RBMS1: variants seen among roughly 807,000 people sequenced by gnomAD.
RBMS1 encodes RNA binding motif single stranded interacting protein 1.
In RBMS1, 17 loss-of-function variants were observed where a neutral mutation model predicts 62.3. The ratio of observed to expected loss-of-function variants is 0.27; its 90% CI spans 0.19 to 0.41. The LOEUF is 0.41. Among genes scored for constraint, RBMS1 ranks in the 10% least tolerant of loss-of-function variants. RBMS1 has a pLI of 1.00. For missense variants in RBMS1, 334 were observed against 504.5 expected (o/e 0.66, Z 3.24); for synonymous variants, 172 against 170.0 (o/e 1.01, Z -0.09).
chr2:160,358,172 T>C (rs1316761766), intron 2 of RBMS1, among the ~76,000 whole-genome samples: 2 of 152,160 alleles, frequency 1.3e-5, no homozygotes, highest in Non-Finnish European at 2.9e-5. Flanking sequence ...TGTCCATTTA[T>C]TGGGCAGGGG....
At chr2:160,400,654 T>C (rs1185834384) in intron 1 of RBMS1, among the ~76,000 whole-genome samples, 1 of 151,456 alleles carries the variant, frequency 6.6e-6, no homozygotes, top group Non-Finnish European at 1.5e-5. Context: ...TATAGCTACG[T>C]TTCCCCCTCA....
At chr2:160,476,900 A>C (rs1488788257) in intron 1 of RBMS1, among the ~76,000 whole-genome samples, 1 of 152,186 alleles carries the variant, frequency 6.6e-6, no homozygotes, top group Non-Finnish European at 1.5e-5. Flanking sequence ...TTGTAAAGGA[A>C]GCCTGCATGT....
intron 1 of RBMS1, among the ~76,000 whole-genome samples, chr2:160,434,620 T>C (rs910528682): frequency 6.6e-6 from 1 of 152,228 alleles, no homozygotes; most frequent in African/African-American, 2.4e-5. Flanking sequence ...ATGCAGCTAA[T>C]GGGCACTTGA....
chr2:160,428,226 A>G (rs1682726012), intron 1 of RBMS1, among the ~76,000 whole-genome samples: 1 of 152,148 alleles, frequency 6.6e-6, no homozygotes, highest in South Asian at 2.1e-4. Flanking sequence ...CTCTCTTTAT[A>G]TTCACAGAAA....
chr2:160,351,780 T>C (rs956388942), intron 2 of RBMS1, among the ~76,000 whole-genome samples: 3 of 152,080 alleles, frequency 2.0e-5, no homozygotes, highest in African/African-American at 7.2e-5. Flanking sequence ...CATTCCCAAG[T>C]GAGCCACTTT....
chr2:160,347,089 T>C (rs1330792521), intron 2 of RBMS1, among the ~76,000 whole-genome samples: 1 of 152,098 alleles, frequency 6.6e-6, no homozygotes, highest in Non-Finnish European at 1.5e-5. Flanking sequence ...GAAATGAATA[T>C]CAGAAAAATG....
intron 1 of RBMS1, among the ~76,000 whole-genome samples, chr2:160,484,227 G>A (rs1290598823): frequency 1.3e-5 from 2 of 152,120 alleles, no homozygotes; most frequent in Non-Finnish European, 2.9e-5. Flanking sequence ...CCGGCGCGGT[G>A]GCTCATGCCT....
chr2:160,279,581 T>G (rs1489020249), intron 10 of RBMS1: 1 of 152,232 alleles, frequency 6.6e-6, no homozygotes, highest in Non-Finnish European at 1.5e-5. Context: ...TTTTTTTAAA[T>G]GGTTACATTG....
chr2:160,382,350 A>T (rs1017305510), intron 1 of RBMS1, among the ~76,000 whole-genome samples: 1 of 152,198 alleles, frequency 6.6e-6, no homozygotes, highest in Admixed American at 6.5e-5. Flanking sequence ...AGACTAAAGC[A>T]TCTCCAGAAC....
chr2:160,289,822 C>T (rs1468431276), intron 6 of RBMS1, among the ~76,000 whole-genome samples: 1 of 151,810 alleles, frequency 6.6e-6, no homozygotes, highest in Non-Finnish European at 1.5e-5. Flanking sequence ...TTAGAAACAG[C>T]TTCTCCCTAT....
At chr2:160,367,835 G>A (rs1015126268) in intron 1 of RBMS1, among the ~76,000 whole-genome samples, 3 of 152,040 alleles carry the variant, frequency 2.0e-5, no homozygotes, top group African/African-American at 7.3e-5. Context: ...TACTTCTCAA[G>A]TACAAGAAAG....
At chr2:160,297,243 C>T (rs1688984999) in intron 6 of RBMS1, among the ~76,000 whole-genome samples, 1 of 151,886 alleles carries the variant, frequency 6.6e-6, no homozygotes, top group African/African-American at 2.4e-5. Flanking sequence ...TTTTCTTTTT[C>T]CCCATTTTAA....
intron 1 of RBMS1, among the ~76,000 whole-genome samples, chr2:160,406,522 G>A (rs1695717598): frequency 2.0e-5 from 3 of 152,192 alleles, no homozygotes; most frequent in African/African-American, 4.8e-5. Flanking sequence ...ATTTATTATG[G>A]AGGAAAAATA....
intron 1 of RBMS1, among the ~76,000 whole-genome samples, chr2:160,423,560 T>G (rs1255820927): frequency 1.3e-5 from 2 of 152,238 alleles, no homozygotes; most frequent in Admixed American, 1.3e-4. Context: ...TGTAGTTTTA[T>G]GACAGCACCA....
chr2:160,459,585 C>A (rs1393897290), intron 1 of RBMS1, among the ~76,000 whole-genome samples: 4 of 152,278 alleles, frequency 2.6e-5, no homozygotes, highest in Middle Eastern at 3.4e-3. Flanking sequence ...TCTTTCTCCT[C>A]CACATTTATC....
At chr2:160,316,687 T>C (rs982190810) in intron 3 of RBMS1, among the ~76,000 whole-genome samples, 6 of 152,192 alleles carry the variant, frequency 3.9e-5, no homozygotes, top group Admixed American at 2.6e-4. Flanking sequence ...ATTCAACCTC[T>C]GGGTCCTTTC....
At chr2:160,334,614 T>C (rs1691467606) in intron 2 of RBMS1, among the ~76,000 whole-genome samples, 1 of 152,118 alleles carries the variant, frequency 6.6e-6, no homozygotes, top group African/African-American at 2.4e-5. Flanking sequence ...TTCCAGTGAC[T>C]ATGTGTGTTA....
At chr2:160,383,656 A>T (rs188822742) in intron 1 of RBMS1, among the ~76,000 whole-genome samples, 1 of 152,296 alleles carries the variant, frequency 6.6e-6, no homozygotes, top group African/African-American at 2.4e-5. Context: ...AATATTCAAT[A>T]TCCTCCTTCT....
chr2:160,431,668 G>A (rs1387284141), intron 1 of RBMS1, among the ~76,000 whole-genome samples: 1 of 151,874 alleles, frequency 6.6e-6, no homozygotes, highest in African/African-American at 2.4e-5. Flanking sequence ...CTAAGAACCA[G>A]GTAATCTGGA....
Sources: gnomAD v4.1 joint callset for allele counts (sites outside exome capture counted in the v4.1 genomes callset) on GRCh38, gnomAD v4.1.1 for gene constraint, MANE v1.5 for transcripts, NCBI Gene and HGNC (gene_info 2026-07-23, HGNC 2026-07-21) for gene names.